DIS3L2: variants seen among roughly 807,000 people sequenced by gnomAD.
DIS3L2 encodes DIS3-like exonuclease 2.
Under a neutral mutation model 97.5 loss-of-function variants are expected in DIS3L2, and 34 were observed. The ratio of observed to expected loss-of-function variants is 0.35; its 90% confidence interval spans 0.27 to 0.46. The LOEUF is 0.46. DIS3L2 is among the 20% of genes least tolerant of loss of function. The probability of loss-of-function intolerance (pLI) is 1.00; values close to 1 mark genes in which losing one functional copy is unlikely to be tolerated. For missense variants in DIS3L2, 1,038 were observed against 1,146.0 expected (o/e 0.91, Z 1.36); for synonymous variants, 435 against 445.2 (o/e 0.98, Z 0.29).
intron 1 of DIS3L2, among the ~76,000 whole-genome samples, chr2:231,971,457 T>C (rs895002534): frequency 6.6e-6 from 1 of 151,878 alleles, no homozygotes; most frequent in Non-Finnish European, 1.5e-5. Flanking sequence ...TGTTTGTTTG[T>C]TTGTTTTTTG....
chr2:232,323,836 C>T (rs924863760), intron 14 of DIS3L2, among the ~76,000 whole-genome samples: 4 of 152,092 alleles, frequency 2.6e-5, no homozygotes, highest in African/African-American at 9.7e-5. Context: ...CAAGCAGCTG[C>T]ACTTTCTCCC....
intron 1 of DIS3L2, among the ~76,000 whole-genome samples, chr2:231,967,608 C>T (rs1692759940): frequency 6.6e-6 from 1 of 152,032 alleles, no homozygotes; most frequent in Admixed American, 6.5e-5. Context: ...TAAACAAGGT[C>T]AGAAATTTAC....
At chr2:231,962,265 T>C (rs979555958) in intron 1 of DIS3L2, among the ~76,000 whole-genome samples, 1 of 137,176 alleles carries the variant, frequency 7.3e-6, no homozygotes, top group Non-Finnish European at 1.5e-5. Flanking sequence ...CCTTTATTGA[T>C]CATAGAGAGT....
At chr2:232,158,916 T>A (rs1252296361) in intron 8 of DIS3L2, among the ~76,000 whole-genome samples, 1 of 152,124 alleles carries the variant, frequency 6.6e-6, no homozygotes, top group Non-Finnish European at 1.5e-5. Context: ...CTAAACAACA[T>A]TGTTATAAGT....
chr2:232,008,625 C>T (rs927031571), intron 1 of DIS3L2, among the ~76,000 whole-genome samples: 3 of 152,118 alleles, frequency 2.0e-5, no homozygotes, highest in African/African-American at 7.2e-5. Context: ...TGGGTCTGGC[C>T]TGCCTTGAGT....
intron 5 of DIS3L2, among the ~76,000 whole-genome samples, chr2:232,032,840 A>G (rs1215032692): frequency 1.3e-5 from 2 of 151,860 alleles, no homozygotes; most frequent in African/African-American, 2.4e-5. Context: ...ATTCTGTCCT[A>G]TTGGTCTATA....
At chr2:232,340,977 A>AGTG, downstream of DIS3L2, 1 of 468,202 alleles carries the variant, frequency 2.1e-6, no homozygotes. Flanking sequence ...GCCTTCCTGG[A>AGTG]GGTGAGAAAG....
chr2:232,110,423 G>A (rs1418153989), intron 6 of DIS3L2, among the ~76,000 whole-genome samples: 1 of 152,142 alleles, frequency 6.6e-6, no homozygotes, highest in Non-Finnish European at 1.5e-5. Context: ...ATTCACAATA[G>A]CAAAGATATG....
chr2:232,083,496 CTTT>C (rs759630455), intron 5 of DIS3L2, among the ~76,000 whole-genome samples: 6 of 138,660 alleles, frequency 4.3e-5, no homozygotes, highest in Admixed American at 7.3e-5. Context: ...TCTTCTTCTT[CTTT>C]TTTTTTTTTT....
At chr2:232,183,283 C>T (rs532758014) in intron 9 of DIS3L2, among the ~76,000 whole-genome samples, 1 of 152,284 alleles carries the variant, frequency 6.6e-6, no homozygotes, top group African/African-American at 2.4e-5. Flanking sequence ...CAAACAGAGA[C>T]AGTTTGTATT....
chr2:232,329,786 C>CCCCGGGGCG, intron 14 of DIS3L2, 27 bp from the exon 15 acceptor site: 10 of 430,238 alleles, frequency 2.3e-5, no homozygotes, highest in Non-Finnish European at 3.8e-5. Context: ...CCCCAGCGGT[C>CCCCGGGGCG]CCTCCCATCC....
chr2:231,995,014 A>G (rs1162237791), intron 1 of DIS3L2, among the ~76,000 whole-genome samples: 1 of 151,916 alleles, frequency 6.6e-6, no homozygotes, highest in African/African-American at 2.4e-5. Flanking sequence ...TATTTTGCCC[A>G]GGCTGGTCTC....
chr2:232,335,517 AC>A, intron 19 of DIS3L2: 4 of 455,528 alleles, frequency 8.8e-6, no homozygotes, highest in Non-Finnish European at 8.1e-6. Flanking sequence ...TCAGCCCTGG[AC>A]CCCCCACCAC....
At chr2:232,336,101 C>T in intron 20 of DIS3L2, 1 of 1,543,854 alleles carries the variant, frequency 6.5e-7, no homozygotes, top group Non-Finnish European at 8.7e-7. Flanking sequence ...AGAGGAGGGG[C>T]TCTGCCTGTC....
At position 232,015,538 on chromosome 2, in the gene DIS3L2, A is replaced by G; in HGVS notation, c.77A>G (p.His26Arg). The G allele has an allele frequency of 6.2e-7, 1 of 1,614,036 alleles. No individual in the cohort carries two copies. The highest frequency in any genetic ancestry group is 8.5e-7 in the Non-Finnish European group (1 of 1,179,936). Residue 26 changes from histidine to arginine, a missense_variant, in exon 3 of 21, where the codon CAT becomes CGT. Transcript: ENST00000325385. ...GGTGTGTCTGCTGTGGCTGGTCCAC[A>G]TGACATTGGTGCTTCGCCAGGTGAC... ...PRGVSAVAGP[H>R]DIGASPGDKK...
intron 10 of DIS3L2, among the ~76,000 whole-genome samples, chr2:232,232,198 A>G (rs958578028): frequency 6.7e-6 from 1 of 148,660 alleles, no homozygotes; most frequent in African/African-American, 2.4e-5. Context: ...GATGGTGTGC[A>G]GGGGAGGAGT....
At chr2:232,080,342 G>A (rs1482507667) in intron 5 of DIS3L2, among the ~76,000 whole-genome samples, 1 of 152,160 alleles carries the variant, frequency 6.6e-6, no homozygotes, top group African/African-American at 2.4e-5. Flanking sequence ...ATATAAGTCT[G>A]AAGATGGGAA....
intron 10 of DIS3L2, among the ~76,000 whole-genome samples, chr2:232,215,964 A>G (rs1447084589): frequency 6.6e-6 from 1 of 152,114 alleles, no homozygotes; most frequent in East Asian, 1.9e-4. Flanking sequence ...ACTCTTCCCC[A>G]GCAATCATTC....
chr2:232,274,556 C>T (rs923092577), intron 13 of DIS3L2, among the ~76,000 whole-genome samples: 3 of 152,174 alleles, frequency 2.0e-5, no homozygotes, highest in Admixed American at 6.5e-5. Context: ...GGCTCTGCTG[C>T]GAAGGCCAGA....
Sources: allele counts gnomAD v4.1 joint callset (sites outside exome capture counted in the v4.1 genomes callset), GRCh38; gene constraint gnomAD v4.1.1; transcripts MANE v1.5; gene names NCBI Gene and HGNC (gene_info 2026-07-23, HGNC 2026-07-21).